The following WDPCP variants were observed in gnomAD, a reference collection of about 807,000 sequenced individuals.
WDPCP encodes WD repeat containing planar cell polarity effector, also known as WD repeat-containing and planar cell polarity effector protein fritz homolog.
Under a neutral mutation model 93.1 loss-of-function variants are expected in WDPCP, and 71 were observed. The ratio of observed to expected loss-of-function variants is 0.76; its 90% CI spans 0.63 to 0.93. The LOEUF (loss-of-function observed/expected upper bound fraction) is 0.93. WDPCP is among the 40% of genes least tolerant of loss of function. The pLI, the probability that WDPCP is intolerant of heterozygous loss-of-function variation, is 0.00. For synonymous variants in WDPCP, 315 were observed against 315.0 expected (o/e 1.00, Z 0.00); for missense variants, 844 against 887.4 (o/e 0.95, Z 0.62).
At chr2:63,478,793 C>T (rs1392828426) in intron 6 of WDPCP, among the ~76,000 whole-genome samples, 1 of 151,910 alleles carries the variant, frequency 6.6e-6, no homozygotes, top group Non-Finnish European at 1.5e-5. Flanking sequence ...AAACCAAACC[C>T]AGACCCAGCA....
Position 63,433,813 on chromosome 2 carries a change from C to T in WDPCP, c.757G>A (p.Ala253Thr), listed in dbSNP as rs531251663. The T allele has an allele frequency of 6.2e-7, 1 of 1,613,644 alleles. No homozygotes were observed. The highest frequency in any genetic ancestry group is 1.3e-5 in the African/African-American group (1 of 74,894). ...CTGTCCTTCTCAGAAGAAATGGGGG[C>T]CCAAGGCCAAGCATCATCGTTGACC... is the stretch of plus-strand genomic sequence containing the variant. ...PLVNDDAWPWAPISSEKDRAN... is the reference protein window; with the variant it reads ...PLVNDDAWPWTPISSEKDRAN... Residue 253 changes from alanine (A) to threonine (T), a missense_variant, in exon 9 of 18, where the codon GCC becomes ACC. Transcript: ENST00000272321.
intron 6 of WDPCP, among the ~76,000 whole-genome samples, chr2:63,475,658 A>G (rs1699932752): frequency 6.6e-6 from 1 of 152,134 alleles, no homozygotes; most frequent in East Asian, 1.9e-4. Flanking sequence ...GTAGTTAAAT[A>G]TTAAAACAGG....
intron 2 of WDPCP, among the ~76,000 whole-genome samples, chr2:63,721,020 T>G (rs748393052): frequency 4.6e-5 from 7 of 152,222 alleles, no homozygotes; most frequent in Non-Finnish European, 7.3e-5. Context: ...ACATTTCAAG[T>G]GTTAATAGGG....
chr2:63,564,685 T>C (rs962357730), intron 1 of WDPCP: 1 of 152,082 alleles, frequency 6.6e-6, no homozygotes, highest in Admixed American at 6.6e-5. Context: ...TAAATGACTA[T>C]AAAACAAATG....
intron 2 of WDPCP, among the ~76,000 whole-genome samples, chr2:63,722,577 C>T (rs1575758090): frequency 2.9e-5 from 4 of 138,762 alleles, no homozygotes; most frequent in Admixed American, 7.1e-5. Context: ...GTCAGCCCCC[C>T]GCCCGGCCAG....
chr2:63,200,167 T>C (rs1247694975), intron 14 of WDPCP, among the ~76,000 whole-genome samples: 1 of 152,184 alleles, frequency 6.6e-6, no homozygotes, highest in Non-Finnish European at 1.5e-5. Context: ...TAGTTTTTGA[T>C]TTTACAGGTT....
At chr2:63,208,413 T>G (rs114143806) in intron 14 of WDPCP, among the ~76,000 whole-genome samples, 2 of 151,374 alleles carry the variant, frequency 1.3e-5, no homozygotes, top group African/African-American at 4.9e-5. Context: ...AATATGGTCT[T>G]CTATTTTACC....
intron 14 of WDPCP, among the ~76,000 whole-genome samples, chr2:63,230,442 G>T (rs1300769152): frequency 1.3e-5 from 2 of 152,090 alleles, no homozygotes; most frequent in Admixed American, 1.3e-4. Flanking sequence ...AATCCTTTGG[G>T]TATATGCCCA....
intron 1 of WDPCP, among the ~76,000 whole-genome samples, chr2:63,823,413 G>C (rs1383606137): frequency 1.3e-5 from 2 of 152,142 alleles, no homozygotes; most frequent in Non-Finnish European, 2.9e-5. Flanking sequence ...GGCTGAGGCA[G>C]AACTGCTTGA....
chr2:63,530,024 T>C (rs550953838), intron 1 of WDPCP, among the ~76,000 whole-genome samples: 4 of 152,326 alleles, frequency 2.6e-5, no homozygotes, highest in African/African-American at 7.2e-5. Flanking sequence ...TAGTTTGTAT[T>C]TCTGTGGGAT....
At chr2:63,602,406 C>CA (rs1415078378) in intron 3 of WDPCP, among the ~76,000 whole-genome samples, 3 of 125,984 alleles carry the variant, frequency 2.4e-5, no homozygotes, top group African/African-American at 6.1e-5. Flanking sequence ...TCAAAAGTCG[C>CA]AAAAAAATAG....
chr2:63,486,464 C>T, intron 4 of WDPCP, 78 bp downstream of exon 4: 1 of 1,366,046 alleles, frequency 7.3e-7, no homozygotes, highest in Non-Finnish European at 1.0e-6. Context: ...AAAGTTTCCT[C>T]TTTGTTCCAG....
At chr2:63,222,040 A>C (rs1677881824) in intron 14 of WDPCP, among the ~76,000 whole-genome samples, 2 of 152,188 alleles carry the variant, frequency 1.3e-5, no homozygotes. Flanking sequence ...AGGCTCTCAA[A>C]GATACAATTT....
chr2:63,677,777 A>C lies in WDPCP; in HGVS notation n.309-26939T>G, dbSNP rs1015047374. The stretch of plus-strand genomic sequence containing the variant: ...CTACTATAAATTGACAGAATTTGTC[A>C]CTAAAGGAAATATGAAAGAGTGTTC... On this transcript the variant is annotated intron_variant and non_coding_transcript_variant, in intron 2 of 4. Coordinates refer to the WDPCP transcript ENST00000467687. Among the ~76,000 whole-genome samples the C allele has an allele frequency of 2.6e-5, 4 of 152,224 alleles. No homozygotes were observed. In the South Asian group the frequency reaches 8.3e-4, roughly 31 times the overall value.
chr2:63,755,322 A>G (rs1669949715), intron 2 of WDPCP, among the ~76,000 whole-genome samples: 1 of 152,186 alleles, frequency 6.6e-6, no homozygotes, highest in African/African-American at 2.4e-5. Flanking sequence ...GAGGTTTTTA[A>G]GGACAAATCC....
chr2:63,779,958 C>T (rs1015197284), intron 2 of WDPCP, among the ~76,000 whole-genome samples: 25 of 152,154 alleles, frequency 1.6e-4, no homozygotes, highest in Admixed American at 4.6e-4. Flanking sequence ...ATGCCATCCT[C>T]ATCTTTGACA....
At chr2:63,221,328 C>A (rs2104483022) in intron 14 of WDPCP, among the ~76,000 whole-genome samples, 1 of 152,290 alleles carries the variant, frequency 6.6e-6, no homozygotes, top group Non-Finnish European at 1.5e-5. Context: ...ATGCTTTCCA[C>A]AATTGCATAC....
At chr2:63,228,932 CT>C (rs1291417391) in intron 14 of WDPCP, 1 of 152,110 alleles carries the variant, frequency 6.6e-6, no homozygotes, top group Non-Finnish European at 1.5e-5. Context: ...ATTTATAATC[CT>C]TTGGGTATAT....
upstream of WDPCP, among the ~76,000 whole-genome samples, chr2:63,829,924 A>G (rs1057499279): frequency 5.9e-5 from 9 of 152,080 alleles, no homozygotes; most frequent in Non-Finnish European, 1.0e-4. Flanking sequence ...ATCTACACCT[A>G]TTGAAGGAGA....
Sources: allele counts gnomAD v4.1 joint callset (sites outside exome capture counted in the v4.1 genomes callset), GRCh38; gene constraint gnomAD v4.1.1; transcripts MANE v1.5; gene names NCBI Gene and HGNC (gene_info 2026-07-23, HGNC 2026-07-21).